GPM6A: variants seen among roughly 807,000 people sequenced by gnomAD.
GPM6A encodes the protein glycoprotein M6A.
Under a neutral mutation model 32.1 loss-of-function variants are expected in GPM6A, and 7 were observed. The ratio of observed to expected loss-of-function variants is 0.22; its 90% confidence interval spans 0.12 to 0.41. The LOEUF is 0.41. Among genes scored for constraint, GPM6A ranks in the 10% least tolerant of loss-of-function variants. The probability of loss-of-function intolerance (pLI) is 1.00; values close to 1 mark genes in which losing one functional copy is unlikely to be tolerated. For missense variants in GPM6A, 235 were observed against 347.2 expected, an observed-to-expected ratio of 0.68 and a Z score of 2.57; for synonymous variants, 130 against 123.4, an observed-to-expected ratio of 1.05 and a Z score of -0.35.
At chr4:175,918,983 T>G (rs17062259) in intron 1 of GPM6A, among the ~76,000 whole-genome samples, 3,917 of 152,144 alleles carry the variant, frequency 0.026, 151 homozygotes, top group African/African-American at 0.086. Flanking sequence ...ATACTTGTTT[T>G]ATAGTCTTAT....
At chr4:175,974,157 GA>G (rs1740589668) in intron 1 of GPM6A, among the ~76,000 whole-genome samples, 1 of 152,058 alleles carries the variant, frequency 6.6e-6, no homozygotes, top group African/African-American at 2.4e-5. Context: ...TTGAACCTGT[GA>G]AGTGGAGGTT....
chr4:175,642,220 G>T (rs1001562841), intron 4 of GPM6A: 9 of 152,044 alleles, frequency 5.9e-5, no homozygotes, highest in Non-Finnish European at 1.2e-4. Flanking sequence ...AATTTAAAAG[G>T]GTTCTCTCAT....
intron 1 of GPM6A, among the ~76,000 whole-genome samples, chr4:175,832,069 A>T (rs969897960): frequency 2.0e-5 from 3 of 152,000 alleles, no homozygotes; most frequent in Admixed American, 2.0e-4. Flanking sequence ...ACCTTCCCTG[A>T]TACTCCCTTA....
chr4:175,702,889 T>A (rs557154513), intron 1 of GPM6A, among the ~76,000 whole-genome samples: 1 of 152,304 alleles, frequency 6.6e-6, no homozygotes, highest in East Asian at 1.9e-4. Context: ...ATTTGAGTGG[T>A]GACTCATAAT....
intron 1 of GPM6A, among the ~76,000 whole-genome samples, chr4:175,934,070 C>T (rs62334820): frequency 0.15 from 22,243 of 152,130 alleles, 1,974 homozygotes; most frequent in Non-Finnish European, 0.2. Context: ...CTACAGCAGG[C>T]AAAACCAATC....
intron 1 of GPM6A, among the ~76,000 whole-genome samples, chr4:175,731,392 C>A (rs1376609666): frequency 6.6e-6 from 1 of 152,182 alleles, no homozygotes; most frequent in Non-Finnish European, 1.5e-5. Flanking sequence ...GCAACAATTA[C>A]TTCCTGAGAC....
At chr4:175,890,604 T>C (rs1383300089) in intron 1 of GPM6A, among the ~76,000 whole-genome samples, 1 of 152,090 alleles carries the variant, frequency 6.6e-6, no homozygotes, top group East Asian at 1.9e-4. Flanking sequence ...TCTTGCTCTG[T>C]TGCCCAGGCT....
intron 1 of GPM6A, among the ~76,000 whole-genome samples, chr4:175,837,127 AAG>A (rs149933359): frequency 3.7e-4 from 56 of 149,378 alleles, no homozygotes; most frequent in Admixed American, 4.0e-4. Context: ...GAACAAGAGC[AAG>A]AGAGAGAGAG....
chr4:175,708,567 A>G (rs916801697), intron 1 of GPM6A, among the ~76,000 whole-genome samples: 1 of 151,944 alleles, frequency 6.6e-6, no homozygotes, highest in East Asian at 1.9e-4. Context: ...TTGTACTTTT[A>G]GTAGAGATGG....
intron 1 of GPM6A, among the ~76,000 whole-genome samples, chr4:175,899,112 G>C (rs1019497225): frequency 1.6e-4 from 25 of 152,088 alleles, no homozygotes; most frequent in African/African-American, 5.8e-4. Context: ...CACACCCACA[G>C]ACGAATTATT....
chr4:175,921,462 T>G lies in GPM6A; in HGVS notation c.-23+80847A>C, dbSNP rs187128078. Among the ~76,000 whole-genome samples, 396 of 152,168 alleles carry G rather than the reference T, an allele frequency of 2.6e-3. 4 individuals are homozygous for G. The highest frequency in any genetic ancestry group is 9.1e-3 in the African/African-American group (376 of 41,518). On this transcript the variant is annotated intron_variant, in intron 1 of 7. Transcript: ENST00000280187. ...AATTTCAGTATTTTAATCAGAGTCT[T>G]TAAGTAAATCCACGCATGATCCTGC...
chr4:175,921,378 A>G (rs1394698987), intron 1 of GPM6A, among the ~76,000 whole-genome samples: 2 of 152,164 alleles, frequency 1.3e-5, no homozygotes, highest in East Asian at 1.9e-4. Flanking sequence ...ACTTTTTCCA[A>G]TTCATTAGAG....
At chr4:175,832,462 T>A (rs1332253909) in intron 1 of GPM6A, among the ~76,000 whole-genome samples, 1 of 152,186 alleles carries the variant, frequency 6.6e-6, no homozygotes, top group African/African-American at 2.4e-5. Flanking sequence ...AAGTTCCTGA[T>A]ATAGTTTTTA....
intron 1 of GPM6A, among the ~76,000 whole-genome samples, chr4:175,924,545 A>G (rs1214542551): frequency 2.6e-5 from 4 of 152,114 alleles, no homozygotes; most frequent in African/African-American, 9.7e-5. Flanking sequence ...AGAACGAATC[A>G]AGAGAAGCCT....
intron 2 of GPM6A, among the ~76,000 whole-genome samples, chr4:175,675,457 T>C (rs932723322): frequency 6.6e-6 from 1 of 152,102 alleles, no homozygotes; most frequent in African/African-American, 2.4e-5. Context: ...GACTTTCTAA[T>C]TAAAAGTTAA....
intron 1 of GPM6A, among the ~76,000 whole-genome samples, chr4:175,747,468 A>G (rs1271289460): frequency 2.6e-5 from 4 of 152,156 alleles, no homozygotes; most frequent in African/African-American, 9.7e-5. Context: ...TGTGGGTTCC[A>G]TTCCAGCCCA....
intron 1 of GPM6A, among the ~76,000 whole-genome samples, chr4:175,919,510 T>C (rs1367103956): frequency 6.6e-6 from 1 of 152,182 alleles, no homozygotes; most frequent in Non-Finnish European, 1.5e-5. Context: ...ATTAAAACCA[T>C]CAGTGAAGTT....
intron 1 of GPM6A, among the ~76,000 whole-genome samples, chr4:175,941,997 C>CGTTGTTGGG (rs1739428162): frequency 6.6e-6 from 1 of 152,220 alleles, no homozygotes; most frequent in Non-Finnish European, 1.5e-5. Flanking sequence ...CTCCCAACAA[C>CGTTGTTGGG]AATGTAAAAG....
chr4:175,911,200 G>A (rs1738303914), intron 1 of GPM6A, among the ~76,000 whole-genome samples: 1 of 152,078 alleles, frequency 6.6e-6, no homozygotes, highest in Non-Finnish European at 1.5e-5. Context: ...GCTGACGTTA[G>A]GATCCTTCTC....
Sources: gnomAD v4.1 joint callset for allele counts (sites outside exome capture counted in the v4.1 genomes callset) on GRCh38, gnomAD v4.1.1 for gene constraint, MANE v1.5 for transcripts, NCBI Gene and HGNC (gene_info 2026-07-23, HGNC 2026-07-21) for gene names.